Variants in NDUFS4 observed in about 807,000 individuals in gnomAD.
NDUFS4 encodes the protein NADH:ubiquinone oxidoreductase subunit S4.
In NDUFS4, 28 loss-of-function variants were observed where a neutral mutation model predicts 24.3. That is an observed-to-expected ratio of 1.15 (90% confidence interval 0.85 to 1.58). The LOEUF is 1.58. Ranked by LOEUF, NDUFS4 falls within the 40% of genes most tolerant of loss-of-function variation. The probability of loss-of-function intolerance (pLI) is 0.00; values close to 1 mark genes in which losing one functional copy is unlikely to be tolerated. For synonymous variants in NDUFS4, 93 were observed against 69.7 expected (o/e 1.34, Z -1.67); for missense variants, 223 against 207.9 (o/e 1.07, Z -0.45).
chr5:53,593,111 A>C (rs1471587705), intron 1 of NDUFS4, among the ~76,000 whole-genome samples: 1 of 152,132 alleles, frequency 6.6e-6, no homozygotes, highest in East Asian at 1.9e-4. Flanking sequence ...GTAGAGATTT[A>C]GTGTCATTTC....
At chr5:53,665,479 T>C (rs1379046095) in intron 4 of NDUFS4, among the ~76,000 whole-genome samples, 1 of 152,214 alleles carries the variant, frequency 6.6e-6, no homozygotes, top group Non-Finnish European at 1.5e-5. Context: ...TCCACCCAGT[T>C]CGAGCTTCCT....
chr5:53,672,348 T>C (rs746664165), intron 4 of NDUFS4, among the ~76,000 whole-genome samples: 7 of 152,102 alleles, frequency 4.6e-5, no homozygotes, highest in Admixed American at 1.3e-4. Context: ...TTACAACCAG[T>C]TCAGAGTAAA....
rs1450454704 is a variant in NDUFS4, at chr5:53,683,283, C to T, written c.*62C>T. The T allele has an allele frequency of 2.6e-6, 3 of 1,154,880 alleles. No homozygotes were observed. The highest frequency in any genetic ancestry group is 3.9e-6 in the Non-Finnish European group (3 of 763,248). 71.5% of individuals were successfully genotyped at this position (1,154,880 alleles called of 1,614,324 possible). On this transcript the variant is annotated 3_prime_UTR_variant, in exon 5 of 5. Transcript: ENST00000296684. Reference sequence around the variant, plus strand: ...AAGTCAGCTGTGCAGTATTTATAGTCCATGTATAATAAATACATCTCTTAA... The same window carrying T: ...AAGTCAGCTGTGCAGTATTTATAGTTCATGTATAATAAATACATCTCTTAA...
chr5:53,598,852 A>T (rs1361579225), intron 1 of NDUFS4, among the ~76,000 whole-genome samples: 1 of 152,200 alleles, frequency 6.6e-6, no homozygotes, highest in Non-Finnish European at 1.5e-5. Context: ...TTGTACGCTT[A>T]TAATTACCTT....
At chr5:53,630,672 G>A (rs1223972012) in intron 2 of NDUFS4, among the ~76,000 whole-genome samples, 1 of 151,270 alleles carries the variant, frequency 6.6e-6, no homozygotes, top group South Asian at 2.1e-4. Flanking sequence ...TGATCGATTC[G>A]GCTATTGAAG....
intron 2 of NDUFS4, among the ~76,000 whole-genome samples, chr5:53,636,903 T>C (rs1035429028): frequency 2.6e-5 from 4 of 152,142 alleles, no homozygotes; most frequent in African/African-American, 9.7e-5. Context: ...GTAAAAGCTC[T>C]CTGAGGCCTC....
rs570085829 is a variant in NDUFS4, at chr5:53,617,285, C to A, written c.177+13755C>A. Among the ~76,000 whole-genome samples the A allele has an allele frequency of 1.2e-4, 19 of 152,272 alleles. 1 individual carries two copies. The South Asian group carries it at 3.7e-3, about 30-fold the overall frequency. ...CCTCTCCTTTCCCCCCTCTTACTCT[C>A]TGCTTCTTGAAATCTCTCTTCACAG... On this transcript the variant is annotated intron_variant, in intron 2 of 4. Transcript: ENST00000296684.
intron 2 of NDUFS4, among the ~76,000 whole-genome samples, chr5:53,608,600 G>A (rs931001368): frequency 2.1e-5 from 3 of 141,426 alleles, no homozygotes; most frequent in Admixed American, 1.4e-4. Flanking sequence ...CTCAAGAAAC[G>A]ACTTAGCTCA....
chr5:53,660,009 T>C (rs866634465), intron 4 of NDUFS4, among the ~76,000 whole-genome samples: 28 of 152,130 alleles, frequency 1.8e-4, no homozygotes, highest in Middle Eastern at 3.4e-3. Context: ...AATAGACTTT[T>C]TTTTTATTTA....
chr5:53,585,641 C>T (rs1478963084), intron 1 of NDUFS4, among the ~76,000 whole-genome samples: 1 of 151,940 alleles, frequency 6.6e-6, no homozygotes, highest in Non-Finnish European at 1.5e-5. Context: ...ACTTGGAAGG[C>T]TGAGGCAGGA....
At chr5:53,664,668 G>T (rs1296903527) in intron 4 of NDUFS4, among the ~76,000 whole-genome samples, 3 of 152,146 alleles carry the variant, frequency 2.0e-5, no homozygotes, top group Non-Finnish European at 4.4e-5. Context: ...TTGTTCCGTG[G>T]TTTTCAGCTC....
At chr5:53,679,248 A>T (rs551482230) in intron 4 of NDUFS4, among the ~76,000 whole-genome samples, 8 of 152,084 alleles carry the variant, frequency 5.3e-5, no homozygotes, top group Non-Finnish European at 8.8e-5. Context: ...AAGATAATAA[A>T]TTTTTTTTCC....
intron 1 of NDUFS4, among the ~76,000 whole-genome samples, chr5:53,599,292 T>C (rs1383751553): frequency 6.6e-6 from 1 of 152,176 alleles, no homozygotes. Context: ...TACTCAGTAA[T>C]GGAATTGTTG....
At chr5:53,627,538 G>A (rs150129822) in intron 2 of NDUFS4, among the ~76,000 whole-genome samples, 21 of 152,168 alleles carry the variant, frequency 1.4e-4, no homozygotes, top group African/African-American at 4.3e-4. Flanking sequence ...TCGTTTGTTC[G>A]TGTCCTCTTT....
intron 4 of NDUFS4, among the ~76,000 whole-genome samples, chr5:53,659,554 C>G (rs992761848): frequency 2.6e-5 from 4 of 152,152 alleles, no homozygotes; most frequent in Middle Eastern, 3.2e-3. Flanking sequence ...CTTCACCTCC[C>G]TCCAGCCAGT....
At chr5:53,607,478 T>TAA (rs1046291014) in intron 2 of NDUFS4, among the ~76,000 whole-genome samples, 1 of 151,494 alleles carries the variant, frequency 6.6e-6, no homozygotes, top group African/African-American at 2.4e-5. Flanking sequence ...TGAAATTCTG[T>TAA]AAAAAAAAGA....
chr5:53,616,420 A>T (rs1035681114), intron 2 of NDUFS4, among the ~76,000 whole-genome samples: 2 of 152,236 alleles, frequency 1.3e-5, no homozygotes, highest in African/African-American at 4.8e-5. Flanking sequence ...GTTTGGGTGG[A>T]ATAGGGGTCA....
intron 1 of NDUFS4, among the ~76,000 whole-genome samples, chr5:53,568,532 C>T (rs1749113996): frequency 6.6e-6 from 1 of 151,992 alleles, no homozygotes; most frequent in African/African-American, 2.4e-5. Flanking sequence ...TTCACCCATG[C>T]ACATAAGAGG....
chr5:53,573,528 CCTAA>C, intron 1 of NDUFS4: 1 of 445,074 alleles, frequency 2.2e-6, no homozygotes, highest in Non-Finnish European at 4.5e-6. Context: ...TAGATTTATG[CCTAA>C]CTATCTCAAT....
Sources: allele counts gnomAD v4.1 joint callset (sites outside exome capture counted in the v4.1 genomes callset), GRCh38; gene constraint gnomAD v4.1.1; transcripts MANE v1.5; gene names NCBI Gene and HGNC (gene_info 2026-07-23, HGNC 2026-07-21).